The following CNTNAP2 variants were observed in gnomAD, a reference collection of about 807,000 sequenced individuals.
The protein encoded by CNTNAP2 is contactin associated protein 2, also known as contactin-associated protein-like 2.
A neutral mutation model predicts 155.2 loss-of-function variants in CNTNAP2; 98 were observed. The ratio of observed to expected loss-of-function variants is 0.63; its 90% CI spans 0.54 to 0.75. CNTNAP2 has a LOEUF of 0.75. CNTNAP2 is among the 30% of genes least tolerant of loss of function. CNTNAP2 has a pLI of 0.00. For synonymous variants in CNTNAP2, 651 were observed against 631.2 expected (o/e 1.03, Z -0.47); for missense variants, 1,727 against 1,688.1 (o/e 1.02, Z -0.40).
chr7:147,977,564 T>C (rs1801451154), intron 14 of CNTNAP2, among the ~76,000 whole-genome samples: 1 of 152,176 alleles, frequency 6.6e-6, no homozygotes, highest in African/African-American at 2.4e-5. Flanking sequence ...GCTCAGGGTT[T>C]GACATGCTGT....
At chr7:148,413,173 C>G (rs1200891816) in intron 23 of CNTNAP2, among the ~76,000 whole-genome samples, 1 of 151,344 alleles carries the variant, frequency 6.6e-6, no homozygotes, top group Non-Finnish European at 1.5e-5. Context: ...AGGTGGATTA[C>G]CTGAGGTCAG....
At chr7:147,306,142 C>G (rs1341603688) in intron 9 of CNTNAP2, among the ~76,000 whole-genome samples, 1 of 152,158 alleles carries the variant, frequency 6.6e-6, no homozygotes, top group Non-Finnish European at 1.5e-5. Flanking sequence ...TTCAGTGTAT[C>G]TTTTTGGAGG....
intron 1 of CNTNAP2, among the ~76,000 whole-genome samples, chr7:146,355,319 G>T (rs555945967): frequency 6.6e-6 from 1 of 152,228 alleles, no homozygotes; most frequent in Middle Eastern, 3.4e-3. Context: ...TGACCAACAG[G>T]GGGTGTGCTA....
At chr7:146,118,159 T>A (rs926386400) in intron 1 of CNTNAP2, among the ~76,000 whole-genome samples, 3 of 152,164 alleles carry the variant, frequency 2.0e-5, no homozygotes, top group African/African-American at 7.2e-5. Flanking sequence ...TAATAAGGAA[T>A]CTACTATATA....
At chr7:146,619,929 C>T (rs933202559) in intron 1 of CNTNAP2, among the ~76,000 whole-genome samples, 4 of 151,860 alleles carry the variant, frequency 2.6e-5, no homozygotes, top group South Asian at 2.1e-4. Flanking sequence ...GAGAATTCTA[C>T]GTGTTAAAGA....
In CNTNAP2 at chr7:146,667,589, T is replaced by C. The variant is rs146982679; in HGVS notation, c.98-106682T>C. Among the ~76,000 whole-genome samples the C allele has an allele frequency of 2.5e-3, 386 of 152,266 alleles. 1 individual carries two copies. Among genetic ancestry groups the C allele is most frequent in the African/African-American group, 8.8e-3 (366 of 41,594 alleles). On this transcript the variant is annotated intron_variant, in intron 1 of 23. Transcript: ENST00000361727. ...GTATGGCCATTTTAACAATGTTAAT[T>C]CTTCTGATACATGAGTATGATGTAT...
At chr7:146,171,828 T>C (rs1306225414) in intron 1 of CNTNAP2, among the ~76,000 whole-genome samples, 2 of 152,060 alleles carry the variant, frequency 1.3e-5, no homozygotes, top group Admixed American at 1.3e-4. Flanking sequence ...TCTTAAATAG[T>C]GCTACAGAGG....
intron 1 of CNTNAP2, among the ~76,000 whole-genome samples, chr7:146,432,547 T>C (rs12333704): frequency 0.034 from 5,132 of 152,164 alleles, 277 homozygotes; most frequent in African/African-American, 0.12. Context: ...AATTAATCTT[T>C]TTCAAGTGAT....
chr7:148,283,283 G>GAAAGAAAGA (rs1797014183), intron 21 of CNTNAP2, among the ~76,000 whole-genome samples: 1 of 80,362 alleles, frequency 1.2e-5, no homozygotes, highest in Admixed American at 1.1e-4. Flanking sequence ...AAGAAAGAAA[G>GAAAGAAAGA]AAAGAAAGAA....
chr7:146,203,287 T>A (rs2116871179), intron 1 of CNTNAP2, among the ~76,000 whole-genome samples: 1 of 152,302 alleles, frequency 6.6e-6, no homozygotes, highest in East Asian at 1.9e-4. Flanking sequence ...ACTTCAGAAG[T>A]CAACAGAAAG....
intron 1 of CNTNAP2, among the ~76,000 whole-genome samples, chr7:146,676,105 C>A (rs74872628): frequency 6.6e-6 from 1 of 152,060 alleles, no homozygotes; most frequent in East Asian, 1.9e-4. Flanking sequence ...TCTAAAATAT[C>A]GTTCTGTAAT....
intron 1 of CNTNAP2, among the ~76,000 whole-genome samples, chr7:146,132,094 C>G (rs1302566745): frequency 6.6e-6 from 1 of 152,148 alleles, no homozygotes; most frequent in Non-Finnish European, 1.5e-5. Flanking sequence ...TGGACTAATA[C>G]AGAATCTGTA....
chr7:146,642,212 G>C (rs1799721610), intron 1 of CNTNAP2, among the ~76,000 whole-genome samples: 2 of 151,076 alleles, frequency 1.3e-5, no homozygotes, highest in South Asian at 4.2e-4. Context: ...CAATGTGCAG[G>C]TTAGTTACAT....
At chr7:147,800,560 G>A (rs1051591078) in intron 13 of CNTNAP2, among the ~76,000 whole-genome samples, 1 of 151,774 alleles carries the variant, frequency 6.6e-6, no homozygotes, top group Non-Finnish European at 1.5e-5. Context: ...TACGTTTGTT[G>A]CCATGAGCCT....
chr7:146,145,143 G>T (rs1322588639), intron 1 of CNTNAP2, among the ~76,000 whole-genome samples: 1 of 152,132 alleles, frequency 6.6e-6, no homozygotes, highest in African/African-American at 2.4e-5. Flanking sequence ...TTTCTGAGAT[G>T]CTTTAGGCCA....
intron 22 of CNTNAP2, among the ~76,000 whole-genome samples, chr7:148,396,386 T>C (rs944267297): frequency 3.9e-5 from 6 of 152,262 alleles, no homozygotes; most frequent in African/African-American, 1.4e-4. Context: ...TACAGCACCA[T>C]ATCACTCAGC....
intron 8 of CNTNAP2, among the ~76,000 whole-genome samples, chr7:147,279,360 C>A (rs980784009): frequency 2.6e-5 from 4 of 151,674 alleles, no homozygotes; most frequent in Non-Finnish European, 5.9e-5. Context: ...CTGAGAAAGA[C>A]GTTTGAATTC....
intron 1 of CNTNAP2, among the ~76,000 whole-genome samples, chr7:146,697,278 C>G (rs1170665872): frequency 6.6e-6 from 1 of 151,472 alleles, no homozygotes; most frequent in African/African-American, 2.4e-5. Context: ...TGCTCTGTTG[C>G]CCAGGCTGGA....
intron 14 of CNTNAP2, among the ~76,000 whole-genome samples, chr7:147,968,735 G>A (rs565398511): frequency 1.3e-5 from 2 of 152,240 alleles, no homozygotes; most frequent in South Asian, 4.1e-4. Context: ...TTTCAGTGAT[G>A]CCAGGAACGT....
Sources: gnomAD v4.1 joint callset for allele counts (sites outside exome capture counted in the v4.1 genomes callset) on GRCh38, gnomAD v4.1.1 for gene constraint, MANE v1.5 for transcripts, NCBI Gene and HGNC (gene_info 2026-07-23, HGNC 2026-07-21) for gene names.